The following ATP10A variants were observed in gnomAD, a reference collection of about 807,000 sequenced individuals.
The protein encoded by ATP10A is ATPase phospholipid transporting 10A (putative), also known as phospholipid-transporting ATPase VA.
ATP10A carries 111 observed loss-of-function variants against 147.8 expected under a neutral mutation model. That is an observed-to-expected ratio of 0.75 (90% CI 0.64 to 0.88). ATP10A has a LOEUF of 0.88. ATP10A is among the 40% of genes least tolerant of loss of function. The pLI, the probability that ATP10A is intolerant of heterozygous loss-of-function variation, is 0.00. For missense variants in ATP10A, 1,927 were observed against 1,959.0 expected (o/e 0.98, Z 0.31); for synonymous variants, 875 against 841.6 (o/e 1.04, Z -0.69).
At chr15:25,755,851 A>G (rs1197072901) in intron 2 of ATP10A, among the ~76,000 whole-genome samples, 1 of 152,258 alleles carries the variant, frequency 6.6e-6, no homozygotes, top group Non-Finnish European at 1.5e-5. Context: ...AAATTTAGTT[A>G]GCTAATTTTG....
At chr15:25,862,278 G>A in intron 1 of ATP10A, 1 of 493,920 alleles carries the variant, frequency 2.0e-6, no homozygotes, top group Middle Eastern at 3.0e-4. Context: ...ACTGAGGCAG[G>A]GACTTCAGGC....
At chr15:25,801,689 C>T (rs911599828) in intron 1 of ATP10A, among the ~76,000 whole-genome samples, 3 of 152,218 alleles carry the variant, frequency 2.0e-5, no homozygotes, top group Non-Finnish European at 4.4e-5. Flanking sequence ...TCTCAAGCCC[C>T]GTGACGCTGA....
chr15:25,825,891 A>G (rs901212885), intron 1 of ATP10A, among the ~76,000 whole-genome samples: 3 of 152,216 alleles, frequency 2.0e-5, no homozygotes, highest in Admixed American at 2.0e-4. Context: ...ACTAGAAAAA[A>G]TAAATATTTC....
rs112243805 is a variant in ATP10A, at chr15:25,733,666, T to C, written c.740+2390A>G. Among the ~76,000 whole-genome samples, 1,059 of 152,250 alleles carry C rather than the reference T, an allele frequency of 7.0e-3. 8 individuals carry two copies. Among genetic ancestry groups the C allele is most frequent in the Middle Eastern group, 0.02 (6 of 294 alleles). On this transcript the variant is annotated intron_variant, in intron 3 of 20. Transcript: ENST00000555815. ...GGCTGGTGGAGATGGCGAATTATCGTTAAAGAGCGTCAGGTGTGGAGAGGC... is the reference window on the plus strand; with the variant it reads ...GGCTGGTGGAGATGGCGAATTATCGCTAAAGAGCGTCAGGTGTGGAGAGGC...
chr15:25,732,899 C>G (rs1036378755), intron 3 of ATP10A, among the ~76,000 whole-genome samples: 1 of 152,104 alleles, frequency 6.6e-6, no homozygotes, highest in African/African-American at 2.4e-5. Context: ...CATTCCTTCA[C>G]TGGACTCTCA....
At chr15:25,726,989 G>A (rs1450465081) in intron 4 of ATP10A, among the ~76,000 whole-genome samples, 171 bp downstream of exon 4, 9 of 150,180 alleles carry the variant, frequency 6.0e-5, no homozygotes, top group Non-Finnish European at 1.0e-4. Context: ...CCCGGAAGGC[G>A]GAGCTTGCAG....
Position 25,688,463 on chromosome 15 carries a change from C to T in ATP10A, c.3166-635G>A, listed in dbSNP as rs577841365. Among the ~76,000 whole-genome samples the T allele has an allele frequency of 2.0e-5, 3 of 152,300 alleles. No homozygotes were observed. In the East Asian group the frequency reaches 5.8e-4, roughly 29 times the overall value. On this transcript the variant is annotated intron_variant, in intron 15 of 20. Coordinates refer to ENST00000555815, the MANE Select transcript of ATP10A (RefSeq NM_024490.4). ...AGGCAGGAGCCTGCCATGGAAGCTTCCCCTGCATATCATCAAGCAAGGTGC... is the reference window on the plus strand; with the variant it reads ...AGGCAGGAGCCTGCCATGGAAGCTTTCCCTGCATATCATCAAGCAAGGTGC...
chr15:25,695,253 G>A, intron 13 of ATP10A, 107 bp from the exon 14 acceptor site: 9 of 1,071,462 alleles, frequency 8.4e-6, no homozygotes, highest in Admixed American at 2.6e-5. Flanking sequence ...GCTCCAGGCT[G>A]CAGTACCCGC....
intron 1 of ATP10A, among the ~76,000 whole-genome samples, chr15:25,810,514 C>A (rs548711566): frequency 6.6e-6 from 1 of 152,280 alleles, no homozygotes; most frequent in African/African-American, 2.4e-5. Flanking sequence ...GGACTCTGGG[C>A]ACGGGGACTG....
At chr15:25,791,310 C>T (rs1890413352) in intron 1 of ATP10A, among the ~76,000 whole-genome samples, 2 of 152,098 alleles carry the variant, frequency 1.3e-5, no homozygotes, top group Non-Finnish European at 2.9e-5. Flanking sequence ...TGGCAGGCTC[C>T]TCTGTGAATT....
chr15:25,801,893 G>A (rs1412185676), intron 1 of ATP10A, among the ~76,000 whole-genome samples: 2 of 152,114 alleles, frequency 1.3e-5, no homozygotes, highest in Admixed American at 6.5e-5. Context: ...AGATCCAGGC[G>A]GTGAACAGCT....
chr15:25,775,166 A>G (rs1889541863), intron 2 of ATP10A, among the ~76,000 whole-genome samples: 2 of 152,232 alleles, frequency 1.3e-5, no homozygotes, highest in Admixed American at 1.3e-4. Context: ...CTTAGGGAAA[A>G]AGAGACTTGG....
intron 1 of ATP10A, among the ~76,000 whole-genome samples, chr15:25,806,224 C>A (rs140686388): frequency 5.9e-5 from 9 of 152,160 alleles, no homozygotes; most frequent in Admixed American, 1.3e-4. Context: ...CTCCTCAGCA[C>A]GCTCAACATC....
chr15:25,810,345 G>A (rs1891374046), intron 1 of ATP10A, among the ~76,000 whole-genome samples: 1 of 152,168 alleles, frequency 6.6e-6, no homozygotes, highest in Non-Finnish European at 1.5e-5. Context: ...CACCTACCGG[G>A]ACCAAGCCCT....
chr15:25,845,184 A>T (rs1009601184), intron 1 of ATP10A, among the ~76,000 whole-genome samples: 17 of 152,204 alleles, frequency 1.1e-4, no homozygotes, highest in African/African-American at 4.1e-4. Flanking sequence ...CTCACTGCTG[A>T]CTGCCAGGAA....
At chr15:25,750,520 C>G (rs1001404805) in intron 2 of ATP10A, among the ~76,000 whole-genome samples, 1 of 152,054 alleles carries the variant, frequency 6.6e-6, no homozygotes, top group Non-Finnish European at 1.5e-5. Context: ...ATGAAGAGCA[C>G]AGGAAAAGGC....
chr15:25,758,787 TCCGACCAC>T (rs1888579200), intron 2 of ATP10A, among the ~76,000 whole-genome samples: 1 of 127,764 alleles, frequency 7.8e-6, no homozygotes, highest in African/African-American at 3.2e-5. Context: ...CCTAACTCAT[TCCGACCAC>T]CTGCTCCACC....
intron 1 of ATP10A, among the ~76,000 whole-genome samples, chr15:25,802,329 A>T (rs1403419966): frequency 2.0e-5 from 3 of 151,894 alleles, no homozygotes; most frequent in Non-Finnish European, 4.4e-5. Flanking sequence ...AGCACCTCCC[A>T]CTGCAGGCTT....
chr15:25,818,385 G>A (rs1315302285), intron 1 of ATP10A, among the ~76,000 whole-genome samples: 2 of 151,934 alleles, frequency 1.3e-5, no homozygotes, highest in Non-Finnish European at 2.9e-5. Context: ...TTAAAGAAAG[G>A]TAGTAAGTTC....
Sources: gnomAD v4.1 joint callset for allele counts (sites outside exome capture counted in the v4.1 genomes callset) on GRCh38, gnomAD v4.1.1 for gene constraint, MANE v1.5 for transcripts, NCBI Gene and HGNC (gene_info 2026-07-23, HGNC 2026-07-21) for gene names.